The following RBP2 variants were observed in gnomAD, a reference collection of about 807,000 sequenced individuals.
RBP2 encodes retinol-binding protein 2.
A neutral mutation model predicts 17.0 loss-of-function variants in RBP2; 17 were observed. The ratio of observed to expected loss-of-function variants is 1.00; its 90% CI spans 0.68 to 1.50. RBP2 has a LOEUF of 1.50. Ranked by LOEUF, RBP2 falls within the 40% of genes most tolerant of loss-of-function variation. The pLI is 0.00. For missense variants in RBP2, 158 were observed against 168.2 expected (o/e 0.94, Z 0.33); for synonymous variants, 48 against 57.1 (o/e 0.84, Z 0.72).
At chr3:139,461,949 A>C (rs1933204555) in intron 2 of RBP2, among the ~76,000 whole-genome samples, 163 bp downstream of exon 2, 1 of 152,182 alleles carries the variant, frequency 6.6e-6, no homozygotes, top group South Asian at 2.1e-4. Context: ...CTTCCTACTA[A>C]ACTGTCAATA....
At chr3:139,462,618 A>G (rs1173523345) in intron 1 of RBP2, among the ~76,000 whole-genome samples, 1 of 128,106 alleles carries the variant, frequency 7.8e-6, no homozygotes, top group African/African-American at 3.6e-5. Context: ...GCTCTATTCT[A>G]TCTGACCTGT....
At chr3:139,456,477 G>A (rs62270304) in intron 2 of RBP2, among the ~76,000 whole-genome samples, 1 of 152,182 alleles carries the variant, frequency 6.6e-6, no homozygotes, top group South Asian at 2.1e-4. Flanking sequence ...CTGTCAGTGG[G>A]TGGCTAGTTA....
chr3:139,466,067 C>T (rs911063474), intron 1 of RBP2, among the ~76,000 whole-genome samples: 2 of 152,112 alleles, frequency 1.3e-5, no homozygotes, highest in Non-Finnish European at 2.9e-5. Flanking sequence ...AATGGGCTCA[C>T]GAGCAAGTAA....
rs1933212156 is a variant in RBP2 at position 139,462,162 on chromosome 3, C to T, written c.202G>A (p.Gly68Arg). 1.9e-6 allele frequency: 3 copies of T among 1,614,162 alleles called. No individual in the cohort carries two copies. Among genetic ancestry groups the T allele is most frequent in the Non-Finnish European group, 2.5e-6 (3 of 1,180,020 alleles). Residue 68 changes from glycine (G) to arginine (R), a missense_variant, in exon 2 of 4, where the codon GGA (glycine) becomes AGA (arginine). Coordinates refer to ENST00000232217, the MANE Select transcript of RBP2 (RefSeq NM_004164.3). ...TTTGTGTACTCGTCAAACTCTACTC[C>T]AACAGTGAAATCCACATCATAGTTG... is the stretch of plus-strand genomic sequence containing the variant. ...FRNYDVDFTV[G>R]VEFDEYTKSL...
At chr3:139,466,504 C>T (rs1193578711) in intron 1 of RBP2, 2 of 152,216 alleles carry the variant, frequency 1.3e-5, no homozygotes, top group African/African-American at 4.8e-5. Flanking sequence ...ATGCTTGTGT[C>T]GTGCAGAGGA....
intron 1 of RBP2, among the ~76,000 whole-genome samples, chr3:139,472,947 C>T (rs1314778029): frequency 6.6e-6 from 1 of 152,178 alleles, no homozygotes; most frequent in Non-Finnish European, 1.5e-5. Flanking sequence ...TTGAATGATT[C>T]CCACCTGGGC....
chr3:139,454,740 T>C lies in RBP2; in HGVS notation c.343A>G (p.Lys115Glu). 1.2e-6 allele frequency: 2 copies of C among 1,614,170 alleles called. No individual in the cohort carries two copies. The change falls in exon 3 of 4, where the codon AAG (lysine) becomes GAG (glutamate). Residue 115 changes from lysine (K) to glutamate (E), a missense_variant. By Grantham distance (56) the Lys-to-Glu change is moderately conservative. Coordinates refer to ENST00000232217, the MANE Select transcript of RBP2 (RefSeq NM_004164.3). ...RGWKQWIEGD[K>E]LYLELTCGDQ... is the part of the protein sequence containing the mutation. ...AACCCAGTACTTACCAGGTACAGCT[T>C]GTCCCCCTCAATCCACTGCTTCCAG...
At chr3:139,463,407 T>C (rs7626658) in intron 1 of RBP2, among the ~76,000 whole-genome samples, 95,488 of 152,070 alleles carry the variant, frequency 0.63, 32,706 homozygotes, top group East Asian at 0.96. Context: ...AGGATTGTTT[T>C]GATCTCCTGA....
chr3:139,474,768 C>T (rs1033245832), intron 1 of RBP2, among the ~76,000 whole-genome samples: 1 of 152,168 alleles, frequency 6.6e-6, no homozygotes, highest in Non-Finnish European at 1.5e-5. Context: ...GACCCTTCTG[C>T]TTTGGTTTCC....
chr3:139,454,935 C>T, intron 2 of RBP2, 105 bp from the exon 3 acceptor site: 1 of 1,128,526 alleles, frequency 8.9e-7, no homozygotes, highest in Middle Eastern at 2.0e-4. Flanking sequence ...GTCTTGCTTA[C>T]TCGAAGGGCA....
chr3:139,474,702 T>TA (rs1033640935), intron 1 of RBP2, among the ~76,000 whole-genome samples: 1 of 152,174 alleles, frequency 6.6e-6, no homozygotes, highest in Admixed American at 6.5e-5. Context: ...TCCAAAAGGT[T>TA]AAAAAACTGG....
At chr3:139,457,177 A>G (rs1324020997) in intron 2 of RBP2, among the ~76,000 whole-genome samples, 1 of 152,260 alleles carries the variant, frequency 6.6e-6, no homozygotes, top group Non-Finnish European at 1.5e-5. Flanking sequence ...GACTCAGCAC[A>G]GTGATCAGCA....
intron 2 of RBP2, among the ~76,000 whole-genome samples, chr3:139,456,495 T>C (rs1267232619): frequency 6.6e-6 from 1 of 152,222 alleles, no homozygotes; most frequent in East Asian, 1.9e-4. Context: ...TTAAATATGG[T>C]ATGGTTCATC....
intron 2 of RBP2, among the ~76,000 whole-genome samples, chr3:139,455,044 C>T (rs1464060735): frequency 6.6e-6 from 1 of 152,162 alleles, no homozygotes; most frequent in African/African-American, 2.4e-5. Context: ...GCTCTGTTTT[C>T]TTTCAAGGAA....
At position 139,465,267 on chromosome 3, in the gene RBP2, C is replaced by G. The variant is rs547571308; in HGVS notation, c.74-2977G>C. ...ATCTGCGAGCCATGCTGTGTGGACT[C>G]TTGGTAATATTTGGGGTGGCAATTA... is the stretch of plus-strand genomic sequence containing the variant. On this transcript the variant is annotated intron_variant, in intron 1 of 3. Coordinates refer to ENST00000232217, the MANE Select transcript of RBP2 (RefSeq NM_004164.3). 9.3e-4 allele frequency among the ~76,000 whole-genome samples: 142 copies of G among 152,190 alleles called. 1 individual carries two copies. The highest frequency in any genetic ancestry group is 1.7e-3 in the Admixed American group (26 of 15,300).
At chr3:139,467,114 C>G (rs913308726) in intron 1 of RBP2, among the ~76,000 whole-genome samples, 1 of 152,196 alleles carries the variant, frequency 6.6e-6, no homozygotes, top group Non-Finnish European at 1.5e-5. Context: ...ACCACACCAT[C>G]ATAGAACCAG....
At chr3:139,456,204 A>G (rs967645268) in intron 2 of RBP2, among the ~76,000 whole-genome samples, 2 of 152,194 alleles carry the variant, frequency 1.3e-5, no homozygotes, top group African/African-American at 2.4e-5. Context: ...TAAGGACCAG[A>G]TGTTTACTTT....
intron 2 of RBP2, among the ~76,000 whole-genome samples, chr3:139,456,026 C>T (rs1231883844): frequency 6.6e-6 from 1 of 152,182 alleles, no homozygotes; most frequent in Non-Finnish European, 1.5e-5. Context: ...CAGGGCCAAC[C>T]ACTTCTGTGC....
rs762979587 is a variant in RBP2, at chr3:139,476,392, G to A, written c.68C>T (p.Ala23Val). The change falls in exon 1 of 4, where the codon GCC (alanine) becomes GTC (valine). Residue 23 changes from alanine to valine, a missense_variant. Coordinates refer to ENST00000232217, the MANE Select transcript of RBP2 (RefSeq NM_004164.3). ...ATCCCCAGTCTCCTCCTTACCCAGG[G>A]CCTTCATGTAGCCCTCAAAGTTTTC... is the stretch of plus-strand genomic sequence containing the variant. ...SNENFEGYMK[A>V]LDIDFATRKI... is the part of the protein sequence containing the mutation. The A allele has an allele frequency of 4.2e-5, 67 of 1,613,612 alleles. No homozygotes were observed. The Admixed American group carries it at 6.2e-4, about 15-fold the overall frequency.
Sources: gnomAD v4.1 joint callset for allele counts (sites outside exome capture counted in the v4.1 genomes callset) on GRCh38, gnomAD v4.1.1 for gene constraint, MANE v1.5 for transcripts, NCBI Gene and HGNC (gene_info 2026-07-23, HGNC 2026-07-21) for gene names.